The following AGTPBP1 variants were observed in gnomAD, a reference collection of about 807,000 sequenced individuals.
The protein encoded by AGTPBP1 is ATP/GTP binding carboxypeptidase 1.
In AGTPBP1, 70 loss-of-function variants were observed where a neutral mutation model predicts 143.9. That is an observed-to-expected ratio of 0.49 (90% CI 0.40 to 0.59). The LOEUF is 0.59. Ranked by LOEUF, AGTPBP1 falls within the 20% of genes least tolerant of loss-of-function variation. The probability of loss-of-function intolerance (pLI) is 0.00; values close to 1 mark genes in which losing one functional copy is unlikely to be tolerated. For synonymous variants in AGTPBP1, 463 were observed against 500.2 expected, an observed-to-expected ratio of 0.93 and a Z score of 0.99; for missense variants, 1,229 against 1,464.5, an observed-to-expected ratio of 0.84 and a Z score of 2.62.
At chr9:85,772,936 A>G in the AGTPBP1 span, among the ~76,000 whole-genome samples, 1 of 152,166 alleles carries the variant, frequency 6.6e-6, no homozygotes, top group African/African-American at 2.4e-5. Flanking sequence ...TTAAGAAATT[A>G]TGGAAGGGTG....
At chr9:85,688,885 T>C (rs1485280882) in intron 3 of AGTPBP1, among the ~76,000 whole-genome samples, 1 of 152,332 alleles carries the variant, frequency 6.6e-6, no homozygotes, top group East Asian at 1.9e-4. Flanking sequence ...CCCATTCCTA[T>C]TCCATCAATA....
the AGTPBP1 span, among the ~76,000 whole-genome samples, chr9:85,785,133 G>C: frequency 6.6e-6 from 1 of 152,134 alleles, no homozygotes; most frequent in African/African-American, 2.4e-5. Context: ...AGGAGATCGA[G>C]ACCATCCTGG....
chr9:85,636,905 CA>C (rs1423561937), intron 13 of AGTPBP1, among the ~76,000 whole-genome samples: 1 of 151,406 alleles, frequency 6.6e-6, no homozygotes, highest in African/African-American at 2.4e-5. Context: ...AGCATTAAAG[CA>C]AAAAAAGTAT....
chr9:85,710,676 TACAACAACA>T (rs527633138), intron 2 of AGTPBP1, among the ~76,000 whole-genome samples: 3 of 150,964 alleles, frequency 2.0e-5, no homozygotes, highest in Non-Finnish European at 3.0e-5. Flanking sequence ...TTAGTTACCC[TACAACAACA>T]ACAACAACAA....
intron 17 of AGTPBP1, among the ~76,000 whole-genome samples, chr9:85,607,558 T>C (rs1830063459): frequency 5.3e-5 from 8 of 152,098 alleles, no homozygotes. Flanking sequence ...TTCATGTATG[T>C]AAAACAAGTG....
At chr9:85,561,725 T>A (rs935445548) in intron 25 of AGTPBP1, among the ~76,000 whole-genome samples, 4 of 152,142 alleles carry the variant, frequency 2.6e-5, no homozygotes, top group Middle Eastern at 3.4e-3. Flanking sequence ...AAAATACTCA[T>A]AGTATCTGAA....
chr9:85,608,051 TA>T (rs1830092931), intron 17 of AGTPBP1, among the ~76,000 whole-genome samples: 1 of 152,072 alleles, frequency 6.6e-6, no homozygotes, highest in South Asian at 2.1e-4. Context: ...GTAGCACATA[TA>T]AAACCACACA....
chr9:85,581,733 T>C (rs965398733), intron 23 of AGTPBP1, among the ~76,000 whole-genome samples: 2 of 152,218 alleles, frequency 1.3e-5, no homozygotes, highest in Non-Finnish European at 2.9e-5. Context: ...CATATTTCCA[T>C]AGCATCATAT....
intron 15 of AGTPBP1, among the ~76,000 whole-genome samples, chr9:85,619,861 C>T (rs1329374827): frequency 1.3e-5 from 2 of 152,084 alleles, no homozygotes; most frequent in Admixed American, 6.5e-5. Context: ...GGAGCCTACT[C>T]GCTAATAAGA....
chr9:85,702,274 C>A (rs1179702571), intron 2 of AGTPBP1, among the ~76,000 whole-genome samples: 2 of 152,104 alleles, frequency 1.3e-5, no homozygotes, highest in Non-Finnish European at 2.9e-5. Context: ...TATTGGATTT[C>A]TTTTGTCAGT....
At chr9:85,678,252 G>A (rs1159722014) in intron 5 of AGTPBP1, 83 bp downstream of exon 5, 7 of 913,314 alleles carry the variant, frequency 7.7e-6, no homozygotes, top group East Asian at 2.7e-5. Context: ...TAAGAGTATC[G>A]GAAAATTCCA....
intron 23 of AGTPBP1, 55 bp from the exon 24 acceptor site, chr9:85,579,151 G>A (rs41310057): frequency 0.02 from 30,073 of 1,505,794 alleles, 354 homozygotes; most frequent in Middle Eastern, 0.03. Flanking sequence ...AATTTTAAAT[G>A]TTTTTAATTT....
At chr9:85,730,229 C>T (rs1445638239) in intron 1 of AGTPBP1, among the ~76,000 whole-genome samples, 2 of 152,188 alleles carry the variant, frequency 1.3e-5, no homozygotes, top group African/African-American at 4.8e-5. Flanking sequence ...AACTTAATTC[C>T]TCCTAAGTAA....
At chr9:85,718,514 T>C (rs1408598864) in intron 1 of AGTPBP1, among the ~76,000 whole-genome samples, 1 of 152,078 alleles carries the variant, frequency 6.6e-6, no homozygotes, top group Admixed American at 6.6e-5. Context: ...TTTGATGGGG[T>C]TGTTTGGTTT....
At chr9:85,682,829 C>T (rs1344184095) in intron 3 of AGTPBP1, among the ~76,000 whole-genome samples, 1 of 152,178 alleles carries the variant, frequency 6.6e-6, no homozygotes, top group African/African-American at 2.4e-5. Flanking sequence ...AAATCCTGTT[C>T]AACTTCATGA....
chr9:85,741,805 C>T lies in AGTPBP1; in HGVS notation c.-64G>A, dbSNP rs1824318988. ...CAGGATGGGGCGCTGGCGGGGACCGCGCAGAGCCGCAGCACCCGGCTCAGC... is the reference window on the plus strand; with the variant it reads ...CAGGATGGGGCGCTGGCGGGGACCGTGCAGAGCCGCAGCACCCGGCTCAGC... On this transcript the variant is annotated 5_prime_UTR_variant, in exon 1 of 26. Coordinates refer to ENST00000357081, the MANE Select transcript of AGTPBP1 (RefSeq NM_001330701.2). 8 of 1,371,986 alleles carry T rather than the reference C, an allele frequency of 5.8e-6. No homozygotes were observed. The African/African-American group carries it at 1.2e-4, about 21-fold the overall frequency. 85.0% of individuals were successfully genotyped at this position (1,371,986 alleles called of 1,614,324 possible).
intron 25 of AGTPBP1, among the ~76,000 whole-genome samples, chr9:85,561,576 C>T (rs1193937174): frequency 9.2e-5 from 14 of 151,766 alleles, no homozygotes; most frequent in Non-Finnish European, 5.9e-5. Flanking sequence ...GAAGAGATAG[C>T]AGTGTTCTTT....
chr9:85,640,616 A>C (rs1832400061), intron 13 of AGTPBP1, among the ~76,000 whole-genome samples: 1 of 152,222 alleles, frequency 6.6e-6, no homozygotes, highest in South Asian at 2.1e-4. Context: ...CAGCCAAACT[A>C]ATGGACAAGT....
At chr9:85,586,011 G>A (rs1004185561) in intron 22 of AGTPBP1, among the ~76,000 whole-genome samples, 4 of 152,016 alleles carry the variant, frequency 2.6e-5, no homozygotes, top group Admixed American at 2.0e-4. Context: ...CCAGCATTTC[G>A]ACGCCAGCCT....
Sources: gnomAD v4.1 joint callset for allele counts (sites outside exome capture counted in the v4.1 genomes callset) on GRCh38, gnomAD v4.1.1 for gene constraint, MANE v1.5 for transcripts, NCBI Gene and HGNC (gene_info 2026-07-23, HGNC 2026-07-21) for gene names.